The following KDM4B variants were observed in gnomAD, a reference collection of about 807,000 sequenced individuals.
KDM4B encodes the protein lysine demethylase 4B.
A neutral mutation model predicts 125.2 loss-of-function variants in KDM4B; 32 were observed. The ratio of observed to expected loss-of-function variants is 0.26; its 90% CI spans 0.19 to 0.34. KDM4B has a LOEUF of 0.34. KDM4B is among the 10% of genes least tolerant of loss of function. KDM4B has a pLI of 1.00. For synonymous variants in KDM4B, 721 were observed against 677.9 expected, an observed-to-expected ratio of 1.06 and a Z score of -0.99; for missense variants, 1,190 against 1,577.7, an observed-to-expected ratio of 0.75 and a Z score of 4.16.
chr19:5,110,070 C>T (rs1296885672), intron 9 of KDM4B, among the ~76,000 whole-genome samples: 1 of 152,222 alleles, frequency 6.6e-6, no homozygotes, highest in East Asian at 1.9e-4. Flanking sequence ...CTGAGCTGCG[C>T]CCAGCCCCCA....
intron 9 of KDM4B, among the ~76,000 whole-genome samples, chr19:5,097,950 A>G (rs1386413938): frequency 1.3e-5 from 2 of 152,170 alleles, no homozygotes; most frequent in South Asian, 2.1e-4. Flanking sequence ...GATCTCAGGC[A>G]TGGGGGGCGC....
At chr19:5,053,483 G>A (rs995148768) in intron 6 of KDM4B, among the ~76,000 whole-genome samples, 3 of 152,174 alleles carry the variant, frequency 2.0e-5, no homozygotes, top group African/African-American at 7.2e-5. Flanking sequence ...AGGGACCCTG[G>A]TCATTAGAAA....
At chr19:5,012,536 C>T (rs938001863) in intron 1 of KDM4B, among the ~76,000 whole-genome samples, 3 of 152,222 alleles carry the variant, frequency 2.0e-5, no homozygotes, top group African/African-American at 7.2e-5. Context: ...ATGGCCCTCT[C>T]CTCAGGCTCC....
intron 6 of KDM4B, among the ~76,000 whole-genome samples, chr19:5,066,920 T>C (rs529306304): frequency 5.6e-4 from 86 of 152,274 alleles, no homozygotes; most frequent in Non-Finnish European, 1.1e-3. Flanking sequence ...TGGACAGTGG[T>C]GCAGAGGAGT....
intron 1 of KDM4B, among the ~76,000 whole-genome samples, chr19:5,003,046 C>A (rs934091351): frequency 6.6e-6 from 1 of 152,198 alleles, no homozygotes; most frequent in African/African-American, 2.4e-5. Flanking sequence ...GAGAGGAGTT[C>A]ACCTCGTTTT....
intron 1 of KDM4B, among the ~76,000 whole-genome samples, chr19:5,013,765 T>C (rs7246791): frequency 0.31 from 46,857 of 152,196 alleles, 7,437 homozygotes; most frequent in Non-Finnish European, 0.34. Context: ...AAAGCCCCTG[T>C]TGCCATGGAA....
intron 1 of KDM4B, among the ~76,000 whole-genome samples, chr19:5,002,374 G>GT (rs1036735362): frequency 2.8e-4 from 42 of 150,596 alleles, no homozygotes; most frequent in African/African-American, 8.5e-4. Context: ...CCTGCAGAGT[G>GT]TTTTTTTTTC....
rs2038304127 is a variant in KDM4B at position 5,081,822 on chromosome 19, C to T, written c.781-545C>T. Among the ~76,000 whole-genome samples the T allele has an allele frequency of 6.6e-6, 1 of 152,148 alleles. No individual in the cohort carries two copies. The highest frequency in any genetic ancestry group is 1.5e-5 in the Non-Finnish European group (1 of 68,032). On this transcript the variant is annotated intron_variant, in intron 8 of 22. Transcript: ENST00000159111. This position sits in a 1 kb window ranked among gnomAD's most constrained non-coding sequence, Gnocchi z 4.2. Reference sequence around the variant, plus strand: ...TTGCGCGTGCAGTGGTGGTTCCTTTCTCATGCGAGGGCAGAAGGTGTCCTG... The same window carrying T: ...TTGCGCGTGCAGTGGTGGTTCCTTTTTCATGCGAGGGCAGAAGGTGTCCTG...
At chr19:4,993,092 C>T (rs2035079470) in intron 1 of KDM4B, among the ~76,000 whole-genome samples, 1 of 152,118 alleles carries the variant, frequency 6.6e-6, no homozygotes, top group South Asian at 2.1e-4. Flanking sequence ...TGCTCTTCTG[C>T]TAGTTGTGTT....
chr19:4,997,119 C>T lies in KDM4B; in HGVS notation c.-108-19138C>T, dbSNP rs557085735. On this transcript the variant is annotated intron_variant, in intron 1 of 22. Transcript: ENST00000159111. This position sits in a 1 kb window ranked among gnomAD's most constrained non-coding sequence, Gnocchi z 4.2. ...GACAGCCATAAATGTCCCTAGACAT[C>T]GGAAGGCATCCTCTGGGGGCACGAT... 1.8e-4 allele frequency among the ~76,000 whole-genome samples: 27 copies of T among 152,354 alleles called. No individual in the cohort carries two copies. Among genetic ancestry groups the T allele is most frequent in the Non-Finnish European group, 3.2e-4 (22 of 68,038 alleles).
At chr19:5,051,999 A>T (rs1351445471) in intron 6 of KDM4B, among the ~76,000 whole-genome samples, 1 of 152,046 alleles carries the variant, frequency 6.6e-6, no homozygotes, top group Admixed American at 6.5e-5. Context: ...CGGAGCCCCC[A>T]GTTGCTCTTG....
intron 1 of KDM4B, among the ~76,000 whole-genome samples, chr19:5,013,254 A>G (rs749152550): frequency 1.3e-5 from 2 of 152,192 alleles, no homozygotes; most frequent in African/African-American, 2.4e-5. Flanking sequence ...AGAGAGCTGT[A>G]CAAAGAGACA....
chr19:5,137,114 C>T (rs1400855696), intron 15 of KDM4B, 148 bp from the exon 16 acceptor site: 6 of 630,450 alleles, frequency 9.5e-6, no homozygotes, highest in African/African-American at 7.2e-5. Context: ...CAGCACGCAC[C>T]CTGAATGCTG....
intron 1 of KDM4B, among the ~76,000 whole-genome samples, chr19:4,993,291 T>C (rs1442753454): frequency 6.6e-6 from 1 of 151,900 alleles, no homozygotes. Context: ...ATGCCTGTAT[T>C]CCAGCTACTC....
At chr19:5,116,103 C>G (rs930897706) in intron 10 of KDM4B, among the ~76,000 whole-genome samples, 4 of 151,888 alleles carry the variant, frequency 2.6e-5, no homozygotes, top group African/African-American at 9.7e-5. Flanking sequence ...ATCACATAAA[C>G]AGCTCACCAG....
intron 21 of KDM4B, among the ~76,000 whole-genome samples, chr19:5,150,105 C>T (rs377090974): frequency 6.6e-6 from 1 of 152,234 alleles, no homozygotes; most frequent in Non-Finnish European, 1.5e-5. Context: ...GTGGAAGCTG[C>T]GGGGCCCTGC....
intron 11 of KDM4B, among the ~76,000 whole-genome samples, chr19:5,120,173 A>T (rs1037926932): frequency 5.9e-5 from 9 of 152,172 alleles, no homozygotes; most frequent in Admixed American, 5.2e-4. Flanking sequence ...GTCTCTACTT[A>T]TGATATAAAA....
chr19:5,003,023 G>A (rs1042553508), intron 1 of KDM4B, among the ~76,000 whole-genome samples: 7 of 152,178 alleles, frequency 4.6e-5, no homozygotes, highest in African/African-American at 1.7e-4. Context: ...AGCCCTTTCC[G>A]TCTCTGGGGC....
intron 9 of KDM4B, among the ~76,000 whole-genome samples, chr19:5,108,426 C>G (rs1218750624): frequency 4.6e-5 from 7 of 152,184 alleles, no homozygotes; most frequent in Non-Finnish European, 1.5e-5. Flanking sequence ...TAACTGTTCC[C>G]AAGCCCCTGC....
Sources: allele counts gnomAD v4.1 joint callset (sites outside exome capture counted in the v4.1 genomes callset), GRCh38; gene constraint gnomAD v4.1.1; non-coding constraint Gnocchi (gnomAD v3.1); transcripts MANE v1.5; gene names NCBI Gene and HGNC (gene_info 2026-07-23, HGNC 2026-07-21).